RASGRP1: variants seen among roughly 807,000 people sequenced by gnomAD.
The protein encoded by RASGRP1 is RAS guanyl-releasing protein 1.
In RASGRP1, 37 loss-of-function variants were observed where a neutral mutation model predicts 95.1. The ratio of observed to expected loss-of-function variants is 0.39; its 90% CI spans 0.30 to 0.51. RASGRP1 has a LOEUF of 0.51. Among genes scored for constraint, RASGRP1 ranks in the 20% least tolerant of loss-of-function variants. RASGRP1 has a pLI of 0.80. For synonymous variants in RASGRP1, 325 were observed against 353.4 expected (o/e 0.92, Z 0.90); for missense variants, 711 against 965.4 (o/e 0.74, Z 3.49).
At chr15:38,538,958 A>G (rs1002908866) in intron 2 of RASGRP1, among the ~76,000 whole-genome samples, 3 of 152,154 alleles carry the variant, frequency 2.0e-5, no homozygotes, top group Admixed American at 6.5e-5. Flanking sequence ...CTGAAGTACT[A>G]ATAACCTCTA....
At chr15:38,494,831 C>T (rs1454212063) in intron 15 of RASGRP1, 64 bp from the exon 16 acceptor site, 1 of 1,269,164 alleles carries the variant, frequency 7.9e-7, no homozygotes, top group Non-Finnish European at 1.0e-6. Flanking sequence ...AAGACTGAGA[C>T]ATTAGTTTCA....
In RASGRP1 at chr15:38,529,904, T is replaced by C. The variant is rs79940083; in HGVS notation, c.221-3500A>G. 5.9e-4 allele frequency among the ~76,000 whole-genome samples: 90 copies of C among 152,356 alleles called. No homozygotes were observed. The East Asian group carries it at 0.016, about 27-fold the overall frequency. On this transcript the variant is annotated intron_variant, in intron 2 of 16. Transcript: ENST00000310803. ...AAAGAAATTCAAAGTTACAATTTGGTAAATCATTTTTAAAAAGTGTTCATC... is the reference window on the plus strand; with the variant it reads ...AAAGAAATTCAAAGTTACAATTTGGCAAATCATTTTTAAAAAGTGTTCATC...
At chr15:38,547,698 G>A (rs1269359324) in intron 2 of RASGRP1, among the ~76,000 whole-genome samples, 3 of 151,476 alleles carry the variant, frequency 2.0e-5, no homozygotes, top group African/African-American at 4.9e-5. Context: ...TTTTAAAAAC[G>A]GGCAAACAAG....
At chr15:38,522,142 C>A (rs796233462) in intron 3 of RASGRP1, among the ~76,000 whole-genome samples, 12 of 152,286 alleles carry the variant, frequency 7.9e-5, no homozygotes, top group African/African-American at 2.6e-4. Context: ...GATAAATAAG[C>A]CTTGCTCCCT....
At chr15:38,542,860 T>C (rs932164316) in intron 2 of RASGRP1, among the ~76,000 whole-genome samples, 13 of 122,468 alleles carry the variant, frequency 1.1e-4, no homozygotes, top group Middle Eastern at 4.0e-3. Flanking sequence ...TGTATATATA[T>C]ACACATATAT....
intron 2 of RASGRP1, among the ~76,000 whole-genome samples, chr15:38,553,739 A>G (rs1273401417): frequency 1.3e-5 from 2 of 152,224 alleles, no homozygotes; most frequent in Non-Finnish European, 2.9e-5. Context: ...TGCAGTTGAG[A>G]AGAGATAGGA....
chr15:38,544,843 C>G (rs919404280), intron 2 of RASGRP1, among the ~76,000 whole-genome samples: 8 of 152,232 alleles, frequency 5.3e-5, no homozygotes, highest in African/African-American at 1.9e-4. Flanking sequence ...GAGTTAACCT[C>G]ACATCTTTTT....
rs184582429 is a variant in RASGRP1, at chr15:38,523,570, G to A, written c.326+2729C>T. Among the ~76,000 whole-genome samples the A allele has an allele frequency of 2.7e-3, 418 of 152,186 alleles. 4 individuals carry two copies. Among genetic ancestry groups the A allele is most frequent in the African/African-American group, 9.3e-3 (388 of 41,526 alleles). On this transcript the variant is annotated intron_variant, in intron 3 of 16. Transcript: ENST00000310803. ...ATTTAGTATAGCCTAAGTATATAGT[G>A]TTTATAAAACCTACAGTTATGTACA...
rs766897195 is a variant in RASGRP1, at chr15:38,507,930, C to T, written c.1038G>A (p.Glu346=). 4.3e-6 allele frequency: 7 copies of T among 1,612,962 alleles called. No homozygotes were observed. Among genetic ancestry groups the T allele is most frequent in the Non-Finnish European group, 5.9e-6 (7 of 1,179,590 alleles). Residue 346 remains glutamate (E), a synonymous_variant, in exon 9 of 17, where the codon GAG becomes GAA. Transcript: ENST00000310803. ...GAATGGGGATCTTGAAGTCGGTGCA[C>T]TCTCCATAGGCTCGCCGGTAATTGT... ...NYDNYRRAYG[E]CTDFKIPILG... is the part of the protein sequence containing the mutation.
intron 9 of RASGRP1, among the ~76,000 whole-genome samples, chr15:38,506,234 A>G (rs1891247151): frequency 6.6e-6 from 1 of 152,338 alleles, no homozygotes; most frequent in Non-Finnish European, 1.5e-5. Flanking sequence ...TTCTCTCTCA[A>G]AGCAGACAGA....
intron 1 of RASGRP1, 131 bp from the exon 2 acceptor site, chr15:38,560,136 C>T: frequency 7.2e-6 from 6 of 827,784 alleles, no homozygotes; most frequent in Non-Finnish European, 1.2e-5. Context: ...ATACCCCTCC[C>T]ACTTGGCAAA....
At chr15:38,543,214 GTGTA>G (rs1222039390) in intron 2 of RASGRP1, among the ~76,000 whole-genome samples, 1 of 151,832 alleles carries the variant, frequency 6.6e-6, no homozygotes, top group Non-Finnish European at 1.5e-5. Context: ...CTCATTTTTT[GTGTA>G]TGGTGTGAGA....
chr15:38,564,556 C>T (rs1253869082), intron 1 of RASGRP1, 38 bp downstream of exon 1: 1 of 1,356,952 alleles, frequency 7.4e-7, no homozygotes, highest in Non-Finnish European at 9.6e-7. Context: ...CAAGAAAGGA[C>T]ACAGGCGCTC....
chr15:38,550,366 T>C (rs1424744867), intron 2 of RASGRP1, among the ~76,000 whole-genome samples: 2 of 151,738 alleles, frequency 1.3e-5, no homozygotes, highest in African/African-American at 4.8e-5. Flanking sequence ...TAATACAAAA[T>C]AAAAAAAAGT....
intron 15 of RASGRP1, among the ~76,000 whole-genome samples, chr15:38,498,363 T>G (rs780931627): frequency 4.6e-5 from 7 of 152,228 alleles, no homozygotes; most frequent in Non-Finnish European, 8.8e-5. Context: ...TTGAATGCAC[T>G]ATGCCTTTTA....
chr15:38,512,820 C>T lies in RASGRP1; in HGVS notation c.812G>A (p.Arg271Gln), dbSNP rs200520227. The change falls in exon 7 of 17, where the codon CGA becomes CAA. Residue 271 changes from arginine (R) to glutamine (Q), a missense_variant. Around this residue, in one of 3 missense-constraint regions of RASGRP1, gnomAD observed 491 missense variants for 676.6 expected, o/e 0.73. Transcript: ENST00000310803. ...MVLSRPTPQL[R>Q]AEVFIKFIQV... is the part of the protein sequence containing the mutation. ...GATGAACTTGATGAAGACTTCTGCTCGGAGCTGCGGCGTGGGGCGGCTGAG... is the reference window on the plus strand; with the variant it reads ...GATGAACTTGATGAAGACTTCTGCTTGGAGCTGCGGCGTGGGGCGGCTGAG... 1.9e-6 allele frequency: 3 copies of T among 1,613,716 alleles called. No homozygotes were observed. Among genetic ancestry groups the T allele is most frequent in the Non-Finnish European group, 2.5e-6 (3 of 1,179,754 alleles).
chr15:38,505,812 A>C (rs758733997), intron 10 of RASGRP1, 28 bp downstream of exon 10: 2 of 1,527,740 alleles, frequency 1.3e-6, no homozygotes, highest in South Asian at 2.3e-5. Context: ...CACCTGTTAC[A>C]TGTGGAGTCT....
intron 2 of RASGRP1, among the ~76,000 whole-genome samples, chr15:38,527,881 G>T (rs965275747): frequency 2.0e-5 from 3 of 152,042 alleles, no homozygotes; most frequent in African/African-American, 7.2e-5. Context: ...ATCGCTTGAG[G>T]TCAGGAGTTT....
At chr15:38,542,747 A>G (rs188932405) in intron 2 of RASGRP1, among the ~76,000 whole-genome samples, 1 of 151,438 alleles carries the variant, frequency 6.6e-6, no homozygotes, top group Admixed American at 6.6e-5. Flanking sequence ...GAGGGTCCCA[A>G]TAATGGCAAT....
Sources: gnomAD v4.1 joint callset for allele counts (sites outside exome capture counted in the v4.1 genomes callset) on GRCh38, gnomAD v4.1.1 for gene constraint, gnomAD v4.1.1 regional missense constraint, MANE v1.5 for transcripts, NCBI Gene and HGNC (gene_info 2026-07-23, HGNC 2026-07-21) for gene names.